TFCP2L1: variants seen among roughly 807,000 people sequenced by gnomAD.
TFCP2L1 encodes the protein transcription factor CP2 like 1.
TFCP2L1 carries 12 observed loss-of-function variants against 72.2 expected under a neutral mutation model. That is an observed-to-expected ratio of 0.17 (90% CI 0.11 to 0.27). TFCP2L1 has a LOEUF of 0.27. TFCP2L1 is among the 10% of genes least tolerant of loss of function. The pLI is 1.00. For synonymous variants in TFCP2L1, 260 were observed against 251.0 expected (o/e 1.04, Z -0.34); for missense variants, 488 against 624.6 (o/e 0.78, Z 2.33).
chr2:121,280,758 C>A (rs980160333), intron 2 of TFCP2L1, among the ~76,000 whole-genome samples: 1 of 138,888 alleles, frequency 7.2e-6, no homozygotes, highest in Non-Finnish European at 1.5e-5. Context: ...AACAAGACCC[C>A]CTCAAAAAAG....
chr2:121,254,193 T>G (rs1028448408), intron 2 of TFCP2L1, among the ~76,000 whole-genome samples: 2 of 152,244 alleles, frequency 1.3e-5, no homozygotes, highest in Admixed American at 6.5e-5. Context: ...GATTTCACCT[T>G]CTTTACAGTG....
At chr2:121,240,242 G>C (rs752140083) in intron 7 of TFCP2L1, 125 of 985,360 alleles carry the variant, frequency 1.3e-4, no homozygotes, top group Non-Finnish European at 1.5e-4. Context: ...CCACAAACAT[G>C]AAAGATGTGA....
chr2:121,232,984 AC>A (rs527598627), intron 12 of TFCP2L1, among the ~76,000 whole-genome samples: 133 of 152,234 alleles, frequency 8.7e-4, no homozygotes, highest in South Asian at 1.5e-3. Flanking sequence ...CACCTGAGAA[AC>A]CCTTGGTTCA....
chr2:121,278,182 G>A (rs1246651539), intron 2 of TFCP2L1, among the ~76,000 whole-genome samples: 4 of 148,260 alleles, frequency 2.7e-5, no homozygotes, highest in African/African-American at 4.9e-5. Flanking sequence ...GACTACAGGC[G>A]CCCGCCACCG....
At chr2:121,247,289 T>A (rs1462193235) in intron 5 of TFCP2L1, among the ~76,000 whole-genome samples, 1 of 152,066 alleles carries the variant, frequency 6.6e-6, no homozygotes, top group East Asian at 1.9e-4. Flanking sequence ...TTCCTCTCCC[T>A]TGGCAAATCC....
At chr2:121,273,316 C>A (rs576585671) in intron 2 of TFCP2L1, among the ~76,000 whole-genome samples, 2 of 152,160 alleles carry the variant, frequency 1.3e-5, no homozygotes, top group Non-Finnish European at 2.9e-5. Context: ...CTCCACATCC[C>A]TTGTCATCCC....
At chr2:121,243,426 T>C (rs1283580120) in intron 6 of TFCP2L1, among the ~76,000 whole-genome samples, 2 of 152,216 alleles carry the variant, frequency 1.3e-5, no homozygotes, top group Non-Finnish European at 2.9e-5. Context: ...CCTCAACCTC[T>C]GGGCCACAGA....
chr2:121,250,873 G>A (rs1686597036), intron 2 of TFCP2L1, among the ~76,000 whole-genome samples: 1 of 151,632 alleles, frequency 6.6e-6, no homozygotes, highest in African/African-American at 2.4e-5. Context: ...CCAAAGTGCT[G>A]GGATTACAGG....
At chr2:121,278,874 C>T (rs1687200281) in intron 2 of TFCP2L1, among the ~76,000 whole-genome samples, 1 of 151,506 alleles carries the variant, frequency 6.6e-6, no homozygotes, top group Admixed American at 6.6e-5. Flanking sequence ...TGTGGTAGCA[C>T]ACGCCTGAAA....
intron 10 of TFCP2L1, among the ~76,000 whole-genome samples, chr2:121,235,597 T>TAAGAGACAAG (rs1686232729): frequency 4.9e-5 from 6 of 121,530 alleles, no homozygotes; most frequent in Admixed American, 4.3e-4. Flanking sequence ...TTTTTTTTTT[T>TAAGAGACAAG]AAGAGACAAG....
chr2:121,275,750 T>C (rs1035888612), intron 2 of TFCP2L1, among the ~76,000 whole-genome samples: 5 of 152,050 alleles, frequency 3.3e-5, no homozygotes, highest in African/African-American at 9.7e-5. Flanking sequence ...TTTGTATTTT[T>C]AGTAAAGATG....
chr2:121,257,735 C>A (rs954494908), intron 2 of TFCP2L1, among the ~76,000 whole-genome samples: 2 of 152,232 alleles, frequency 1.3e-5, no homozygotes, highest in Non-Finnish European at 2.9e-5. Context: ...CGGTCACACA[C>A]CACACAGGAA....
At position 121,225,596 on chromosome 2, in the gene TFCP2L1, T is replaced by A. The variant is rs963196167; in HGVS notation, c.1359A>T (p.Gln453His). ...VVSNEMVQNF[Q>H]DESCFVLSTI... is the part of the protein sequence containing the mutation. ...TGCTGAGGACAAAACAGGATTCATCTTGGAAGTTCTGCACCATCTGAGAGA... is the reference window on the plus strand; with the variant it reads ...TGCTGAGGACAAAACAGGATTCATCATGGAAGTTCTGCACCATCTGAGAGA... Residue 453 changes from glutamine (Q) to histidine (H), a missense_variant, in exon 14 of 15, where the codon CAA becomes CAT. Around this residue, in one of 3 missense-constraint regions of TFCP2L1, gnomAD observed 286 missense variants for 329.0 expected, o/e 0.87. Transcript: ENST00000263707. 1.9e-6 allele frequency: 3 copies of A among 1,614,164 alleles called. No individual in the cohort carries two copies. Among genetic ancestry groups the A allele is most frequent in the Non-Finnish European group, 2.5e-6 (3 of 1,180,016 alleles).
chr2:121,255,220 T>A (rs1265385160), intron 2 of TFCP2L1, among the ~76,000 whole-genome samples: 1 of 152,204 alleles, frequency 6.6e-6, no homozygotes, highest in Non-Finnish European at 1.5e-5. Context: ...TGCACACAGA[T>A]TAAAGTGTGC....
At position 121,285,099 on chromosome 2, in the gene TFCP2L1, C is replaced by A; in HGVS notation, c.11G>T (p.Trp4Leu). 1 of 1,517,570 alleles carries A rather than the reference C, an allele frequency of 6.6e-7. No homozygotes were observed. The highest frequency in any genetic ancestry group is 1.3e-5 in the South Asian group (1 of 79,760). The allele number at this position is 1,517,570 out of a possible 1,614,324, so 94.0% of individuals were successfully genotyped here. A position where few individuals can be genotyped will look rare whatever the true frequency, so the allele number is the denominator to read the frequency against. Residue 4 changes from tryptophan to leucine, a missense_variant, in exon 1 of 15, where the codon TGG becomes TTG. Physicochemically the swap from Trp to Leu is moderately conservative, Grantham distance 61 (BLOSUM62 -2). Around this residue, in one of 3 missense-constraint regions of TFCP2L1, gnomAD observed 73 missense variants for 59.7 expected, o/e 1.22. Transcript: ENST00000263707. Reference sequence around the variant, plus strand: ...GTTGTAGTGCTCGGGCTGCGTGTGCCAGAAGAGCATGGCTGGAACTCCCAG... The same window carrying A: ...GTTGTAGTGCTCGGGCTGCGTGTGCAAGAAGAGCATGGCTGGAACTCCCAG... MLF[W>L]HTQPEHYNQH... is the part of the protein sequence containing the mutation.
intron 8 of TFCP2L1, 103 bp downstream of exon 8, chr2:121,239,455 A>G: frequency 7.5e-7 from 1 of 1,330,702 alleles, no homozygotes; most frequent in South Asian, 1.2e-5. Context: ...AGCTACCCTG[A>G]AACCCAAACA....
At chr2:121,258,302 A>G (rs1275302733) in intron 2 of TFCP2L1, among the ~76,000 whole-genome samples, 2 of 152,190 alleles carry the variant, frequency 1.3e-5, no homozygotes, top group Non-Finnish European at 2.9e-5. Context: ...AATACCCATC[A>G]ATATTAATAA....
At chr2:121,257,225 C>T (rs1336594692) in intron 2 of TFCP2L1, among the ~76,000 whole-genome samples, 4 of 152,154 alleles carry the variant, frequency 2.6e-5, no homozygotes, top group Non-Finnish European at 5.9e-5. Flanking sequence ...CAGTGACAGG[C>T]TCCACTCACC....
At chr2:121,253,117 A>G (rs1014989293) in intron 2 of TFCP2L1, among the ~76,000 whole-genome samples, 1 of 152,206 alleles carries the variant, frequency 6.6e-6, no homozygotes. Flanking sequence ...TTGTCACCAC[A>G]GCTCCCCACC....
Sources: allele counts gnomAD v4.1 joint callset (sites outside exome capture counted in the v4.1 genomes callset), GRCh38; gene constraint gnomAD v4.1.1; regional missense constraint gnomAD v4.1.1; transcripts MANE v1.5; gene names NCBI Gene and HGNC (gene_info 2026-07-23, HGNC 2026-07-21).